LRRTM4: variants seen among roughly 807,000 people sequenced by gnomAD.
LRRTM4 encodes the protein leucine-rich repeat transmembrane neuronal protein 4.
Under a neutral mutation model 47.6 loss-of-function variants are expected in LRRTM4, and 25 were observed. The ratio of observed to expected loss-of-function variants is 0.53; its 90% CI spans 0.38 to 0.73. The LOEUF (loss-of-function observed/expected upper bound fraction) is 0.73. Among genes scored for constraint, LRRTM4 ranks in the 30% least tolerant of loss-of-function variants. LRRTM4 has a pLI of 0.00. For synonymous variants in LRRTM4, 311 were observed against 269.5 expected, an observed-to-expected ratio of 1.15 and a Z score of -1.51; for missense variants, 638 against 713.4, an observed-to-expected ratio of 0.89 and a Z score of 1.20.
intron 3 of LRRTM4, among the ~76,000 whole-genome samples, chr2:76,921,973 C>A (rs775899954): frequency 3.9e-5 from 6 of 152,060 alleles, no homozygotes; most frequent in Non-Finnish European, 8.8e-5. Flanking sequence ...GCATTATTCA[C>A]AATAAACAAA....
intron 3 of LRRTM4, among the ~76,000 whole-genome samples, chr2:77,049,779 A>C (rs975996494): frequency 6.6e-6 from 1 of 151,954 alleles, no homozygotes; most frequent in African/African-American, 2.4e-5. Context: ...TGCTGTGCAG[A>C]AGCTGTTTAG....
At chr2:77,287,076 C>T (rs1282599621) in intron 3 of LRRTM4, among the ~76,000 whole-genome samples, 1 of 151,978 alleles carries the variant, frequency 6.6e-6, no homozygotes, top group Non-Finnish European at 1.5e-5. Context: ...ACGTTCGAGG[C>T]CACAGTGCCA....
chr2:77,425,666 C>A (rs1404531492), intron 3 of LRRTM4, among the ~76,000 whole-genome samples: 3 of 152,286 alleles, frequency 2.0e-5, no homozygotes, highest in African/African-American at 7.2e-5. Context: ...AAGGCCAGAT[C>A]TTACTTTTAG....
intron 3 of LRRTM4, among the ~76,000 whole-genome samples, chr2:76,910,144 C>T (rs1460606287): frequency 1.3e-5 from 2 of 152,060 alleles, no homozygotes; most frequent in Non-Finnish European, 1.5e-5. Context: ...GGCACATAGA[C>T]ACCATGGAAT....
intron 3 of LRRTM4, among the ~76,000 whole-genome samples, chr2:77,224,119 C>T (rs1292868541): frequency 1.3e-5 from 2 of 151,578 alleles, no homozygotes; most frequent in Middle Eastern, 3.4e-3. Flanking sequence ...AAAGGATTCC[C>T]TATTTAATAA....
intron 3 of LRRTM4, among the ~76,000 whole-genome samples, chr2:77,110,422 A>G (rs549130423): frequency 6.6e-6 from 1 of 152,280 alleles, no homozygotes; most frequent in East Asian, 1.9e-4. Context: ...ATTTAGGGAG[A>G]ATAAAATTGA....
intron 3 of LRRTM4, among the ~76,000 whole-genome samples, chr2:76,905,374 A>G (rs1673791977): frequency 6.6e-6 from 1 of 152,116 alleles, no homozygotes; most frequent in African/African-American, 2.4e-5. Context: ...AAAGACCAAA[A>G]GTAGATAAAA....
chr2:77,510,296 T>G (rs764784491), intron 3 of LRRTM4, among the ~76,000 whole-genome samples: 1 of 152,130 alleles, frequency 6.6e-6, no homozygotes, highest in Middle Eastern at 3.2e-3. Flanking sequence ...ATTTAGATCT[T>G]CAAGAGCAAG....
chr2:77,074,823 G>A (rs1350602613), intron 3 of LRRTM4, among the ~76,000 whole-genome samples: 1 of 152,166 alleles, frequency 6.6e-6, no homozygotes, highest in Non-Finnish European at 1.5e-5. Context: ...GAAAAGTTGT[G>A]TCAGAATTTG....
chr2:76,983,366 G>C (rs764657329), intron 3 of LRRTM4, among the ~76,000 whole-genome samples: 1 of 152,014 alleles, frequency 6.6e-6, no homozygotes, highest in Non-Finnish European at 1.5e-5. Context: ...CAGGTGTCAA[G>C]GGTGGGGCCA....
At chr2:76,871,656 G>T (rs1210304355) in intron 3 of LRRTM4, among the ~76,000 whole-genome samples, 1 of 152,152 alleles carries the variant, frequency 6.6e-6, no homozygotes, top group Non-Finnish European at 1.5e-5. Context: ...CTGTCACTTT[G>T]TTCTAACTAA....
At chr2:77,214,701 T>G (rs959489044) in intron 3 of LRRTM4, among the ~76,000 whole-genome samples, 2 of 149,040 alleles carry the variant, frequency 1.3e-5, no homozygotes, top group African/African-American at 4.9e-5. Context: ...ATATAAATCT[T>G]TTTTTTTTTA....
intron 3 of LRRTM4, among the ~76,000 whole-genome samples, chr2:77,257,168 CA>C (rs934118700): frequency 6.6e-6 from 1 of 151,964 alleles, no homozygotes; most frequent in Admixed American, 6.6e-5. Flanking sequence ...CTAAAGGCTA[CA>C]AAAATCCTAC....
chr2:77,101,852 G>A (rs979658266), intron 3 of LRRTM4, among the ~76,000 whole-genome samples: 1 of 152,078 alleles, frequency 6.6e-6, no homozygotes, highest in Non-Finnish European at 1.5e-5. Context: ...TAATCATGTT[G>A]CTGCTAAGCT....
At chr2:77,077,680 G>T (rs1572932534) in intron 3 of LRRTM4, among the ~76,000 whole-genome samples, 1 of 152,046 alleles carries the variant, frequency 6.6e-6, no homozygotes, top group Non-Finnish European at 1.5e-5. Context: ...ATGGCTCCTG[G>T]GAAATTATGG....
At chr2:77,020,011 T>G (rs1678210868) in intron 3 of LRRTM4, among the ~76,000 whole-genome samples, 1 of 152,044 alleles carries the variant, frequency 6.6e-6, no homozygotes, top group Admixed American at 6.6e-5. Flanking sequence ...GTTGGAAAAT[T>G]TATCTCCTAG....
In LRRTM4 at chr2:77,204,882, G is replaced by C. The variant is rs1417308902; in HGVS notation, c.1551+313436C>G. On this transcript the variant is annotated intron_variant, in intron 3 of 3. Transcript: ENST00000409884. ...ACCCACTCTCAACTCAGGTAAGAATGTAGTAATTAAACCCATCAGATATAA... is the reference window on the plus strand; with the variant it reads ...ACCCACTCTCAACTCAGGTAAGAATCTAGTAATTAAACCCATCAGATATAA... Among the ~76,000 whole-genome samples the C allele has an allele frequency of 2.0e-5, 3 of 152,140 alleles. No homozygotes were observed. In the East Asian group the frequency reaches 5.8e-4, roughly 29 times the overall value.
intron 3 of LRRTM4, among the ~76,000 whole-genome samples, chr2:76,969,665 A>G (rs952582721): frequency 3.3e-5 from 5 of 151,960 alleles, no homozygotes; most frequent in African/African-American, 9.7e-5. Context: ...TACATTTACC[A>G]GTAATTACAA....
chr2:77,006,305 GC>G (rs1677644371), intron 3 of LRRTM4, among the ~76,000 whole-genome samples: 1 of 152,052 alleles, frequency 6.6e-6, no homozygotes, highest in Non-Finnish European at 1.5e-5. Flanking sequence ...TCGAACCTAA[GC>G]CTTTAAGAAA....
Sources: gnomAD v4.1 joint callset for allele counts (sites outside exome capture counted in the v4.1 genomes callset) on GRCh38, gnomAD v4.1.1 for gene constraint, MANE v1.5 for transcripts, NCBI Gene and HGNC (gene_info 2026-07-23, HGNC 2026-07-21) for gene names.